PDK1: variants seen among roughly 807,000 people sequenced by gnomAD.
PDK1 encodes pyruvate dehydrogenase kinase 1, also known as [Pyruvate dehydrogenase (acetyl-transferring)] kinase isozyme 1, mitochondrial.
A neutral mutation model predicts 54.2 loss-of-function variants in PDK1; 39 were observed. The observed-to-expected ratio is 0.72, with a 90% CI of 0.56 to 0.94. The LOEUF (loss-of-function observed/expected upper bound fraction) is 0.94. Among genes scored for constraint, PDK1 ranks in the 40% least tolerant of loss-of-function variants. The probability of loss-of-function intolerance (pLI) is 0.00; values close to 1 mark genes in which losing one functional copy is unlikely to be tolerated. For missense variants in PDK1, 552 were observed against 566.0 expected (o/e 0.98, Z 0.25); for synonymous variants, 221 against 207.1 (o/e 1.07, Z -0.58).
the PDK1 span, among the ~76,000 whole-genome samples, chr2:172,642,802 C>CCTCCTCCTCCTT: frequency 6.6e-6 from 1 of 151,020 alleles, no homozygotes; most frequent in Non-Finnish European, 1.5e-5. Context: ...TCCTCCTCCT[C>CCTCCTCCTCCTT]CTCCTCCTTC....
At chr2:172,660,247 C>CT in the PDK1 span, among the ~76,000 whole-genome samples, 255 of 44,226 alleles carry the variant, frequency 5.8e-3, 17 homozygotes, top group Middle Eastern at 0.029. Flanking sequence ...CTCTCTCTCT[C>CT]TTTTTTTTTT....
At chr2:172,723,392 A>G in the PDK1 span, 1 of 152,212 alleles carries the variant, frequency 6.6e-6, no homozygotes, top group Admixed American at 6.5e-5. Context: ...TTTTATTTTC[A>G]CAGGACATGG....
chr2:172,665,164 T>TC, the PDK1 span, among the ~76,000 whole-genome samples: 41 of 151,952 alleles, frequency 2.7e-4, no homozygotes, highest in African/African-American at 8.7e-4. Context: ...GTTTTTTTTT[T>TC]CTTTTCTTTT....
Position 172,558,937 on chromosome 2 carries a change from G to C in PDK1, c.338+88G>C, listed in dbSNP as rs1199527354. On this transcript the variant is annotated intron_variant, in intron 2 of 10. Coordinates refer to ENST00000282077, the MANE Select transcript of PDK1 (RefSeq NM_002610.5). ...AAATGCTTTTTTTTACTCTTTGGTG[G>C]AATCTTTTTTGTTTTGTTTTGTTTT... 3.8e-6 allele frequency: 5 copies of C among 1,315,714 alleles called. No homozygotes were observed. The African/African-American group carries it at 4.5e-5, about 12-fold the overall frequency. The allele number at this position is 1,315,714 out of a possible 1,614,324, so 81.5% of individuals were successfully genotyped here.
At position 172,606,916 on chromosome 2, in the gene PDK1, T is replaced by G. The variant is rs550797057; in HGVS notation, c.*10947T>G. On this transcript the variant is annotated 3_prime_UTR_variant, in exon 11 of 11. Transcript: ENST00000282077. ...CTTGCACCCATTAAACAGTGGTAGTTTCTCTATCATGCCACTTTTGTAGCA... is the reference window on the plus strand; with the variant it reads ...CTTGCACCCATTAAACAGTGGTAGTGTCTCTATCATGCCACTTTTGTAGCA... 7.4e-4 allele frequency: 112 copies of G among 152,248 alleles called. No homozygotes were observed. Among genetic ancestry groups the G allele is most frequent in the African/African-American group, 2.6e-3 (106 of 41,556 alleles). The allele number at this position is 152,248 out of a possible 1,614,324, so 9.4% of individuals were successfully genotyped here.
At chr2:172,591,018 A>G (rs1690544974) in intron 9 of PDK1, among the ~76,000 whole-genome samples, 2 of 152,160 alleles carry the variant, frequency 1.3e-5, no homozygotes. Context: ...GGGGCCCTGC[A>G]GTTGTAGTGT....
Position 172,597,712 on chromosome 2 carries a change from GTGT to G in PDK1, c.*1748_*1750del, listed in dbSNP as rs1440511588. ...CAGGAGACTGTGTCATTTAGAGACT[GTGT>G]TGTTAGTTATCCCTCAACATCTTCT... On this transcript the variant is annotated 3_prime_UTR_variant, in exon 11 of 11. Coordinates refer to ENST00000282077, the MANE Select transcript of PDK1 (RefSeq NM_002610.5). The G allele has an allele frequency of 1.3e-5, 2 of 152,140 alleles. No individual in the cohort carries two copies. Among genetic ancestry groups the G allele is most frequent in the African/African-American group, 4.8e-5 (2 of 41,440 alleles). 9.4% of individuals were successfully genotyped at this position (152,140 alleles called of 1,614,324 possible).
the PDK1 span, among the ~76,000 whole-genome samples, chr2:172,625,657 C>T: frequency 0.31 from 47,531 of 151,842 alleles, 8,363 homozygotes; most frequent in African/African-American, 0.49. Context: ...CCTAATCTGG[C>T]GCCTCTGCTA....
chr2:172,576,442 A>C (rs1689592156), intron 8 of PDK1, among the ~76,000 whole-genome samples: 1 of 151,776 alleles, frequency 6.6e-6, no homozygotes, highest in Non-Finnish European at 1.5e-5. Context: ...TTTCTAAAGA[A>C]CCAATTTTTT....
chr2:172,662,747 AATAC>A, the PDK1 span, among the ~76,000 whole-genome samples: 1 of 152,174 alleles, frequency 6.6e-6, no homozygotes, highest in Non-Finnish European at 1.5e-5. Context: ...GCAGCTAAAT[AATAC>A]ATCCTTTTTT....
the PDK1 span, among the ~76,000 whole-genome samples, chr2:172,619,386 G>T: frequency 6.6e-6 from 1 of 152,002 alleles, no homozygotes; most frequent in African/African-American, 2.4e-5. Context: ...CAGTGGACCA[G>T]GGGTGGAGCT....
the PDK1 span, among the ~76,000 whole-genome samples, chr2:172,639,792 G>A: frequency 1.3e-5 from 2 of 152,230 alleles, no homozygotes; most frequent in East Asian, 3.9e-4. Context: ...ATGGGTTCTC[G>A]CTCTCCAAAA....
the PDK1 span, among the ~76,000 whole-genome samples, chr2:172,675,774 A>G: frequency 6.6e-6 from 1 of 152,212 alleles, no homozygotes; most frequent in East Asian, 1.9e-4. Context: ...CTAAACAACA[A>G]ATTTTCAATT....
chr2:172,595,696 T>C (rs1690851562), intron 10 of PDK1, 133 bp from the exon 11 acceptor site: 5 of 627,778 alleles, frequency 8.0e-6, no homozygotes, highest in Non-Finnish European at 1.4e-5. Flanking sequence ...TATATTTAGG[T>C]GGTATAAGGA....
At chr2:172,665,562 A>T in the PDK1 span, among the ~76,000 whole-genome samples, 7 of 152,190 alleles carry the variant, frequency 4.6e-5, no homozygotes, top group Non-Finnish European at 8.8e-5. Flanking sequence ...GCAGGTGGCT[A>T]TGCTGTTGCT....
chr2:172,614,175 C>A, the PDK1 span, among the ~76,000 whole-genome samples: 1 of 94,772 alleles, frequency 1.1e-5, no homozygotes, highest in Non-Finnish European at 2.2e-5. Context: ...AGGAAGGACC[C>A]CCCCCCCCAA....
Position 172,586,348 on chromosome 2 carries a change from C to A in PDK1, c.1016C>A (p.Ala339Glu). 4.3e-6 allele frequency: 7 copies of A among 1,612,464 alleles called. No homozygotes were observed. Among genetic ancestry groups the A allele is most frequent in the Non-Finnish European group, 5.9e-6 (7 of 1,178,684 alleles). Reference sequence around the variant, plus strand: ...CTTTTCAACTACATGTATTCAACTGCACCAAGACCTCGTGTTGAGACCTCC... The same window carrying A: ...CTTTTCAACTACATGTATTCAACTGAACCAAGACCTCGTGTTGAGACCTCC... ...DRLFNYMYST[A>E]PRPRVETSRA... Residue 339 changes from alanine to glutamate, a missense_variant, in exon 9 of 11, where the codon GCA (alanine) becomes GAA (glutamate). Transcript: ENST00000282077.
At chr2:172,615,633 A>C in the PDK1 span, among the ~76,000 whole-genome samples, 3 of 152,174 alleles carry the variant, frequency 2.0e-5, no homozygotes, top group Admixed American at 1.3e-4. Flanking sequence ...CAAAAAAAAA[A>C]ACATTAATTA....
chr2:172,583,776 A>G (rs1295098638), intron 8 of PDK1, among the ~76,000 whole-genome samples: 1 of 152,138 alleles, frequency 6.6e-6, no homozygotes, highest in African/African-American at 2.4e-5. Flanking sequence ...ATTTTTAAAT[A>G]TATAAAAACT....
Sources: allele counts gnomAD v4.1 joint callset (sites outside exome capture counted in the v4.1 genomes callset), GRCh38; gene constraint gnomAD v4.1.1; transcripts MANE v1.5; gene names NCBI Gene and HGNC (gene_info 2026-07-23, HGNC 2026-07-21).